LPAR1: variants seen among roughly 807,000 people sequenced by gnomAD.
LPAR1 encodes LPA receptor 1.
A neutral mutation model predicts 23.8 loss-of-function variants in LPAR1; 5 were observed. That is an observed-to-expected ratio of 0.21 (90% CI 0.11 to 0.44). The LOEUF is 0.44. LPAR1 is among the 20% of genes least tolerant of loss of function. The probability of loss-of-function intolerance (pLI) is 0.99; values close to 1 mark genes in which losing one functional copy is unlikely to be tolerated. For missense variants in LPAR1, 311 were observed against 482.8 expected, an observed-to-expected ratio of 0.64 and a Z score of 3.33; for synonymous variants, 160 against 164.7, an observed-to-expected ratio of 0.97 and a Z score of 0.22.
intron 5 of LPAR1, among the ~76,000 whole-genome samples, chr9:110,917,336 C>G (rs150882842): frequency 6.6e-6 from 1 of 151,884 alleles, no homozygotes; most frequent in Non-Finnish European, 1.5e-5. Context: ...ATGACAAGAG[C>G]GAAATTCCAT....
intron 2 of LPAR1, among the ~76,000 whole-genome samples, chr9:110,974,484 C>G (rs1395267214): frequency 6.6e-6 from 1 of 152,138 alleles, no homozygotes; most frequent in Admixed American, 6.5e-5. Context: ...TTGACAGCAA[C>G]TTCTATAAGC....
intron 5 of LPAR1, among the ~76,000 whole-genome samples, chr9:110,909,493 T>C (rs532529746): frequency 6.6e-6 from 1 of 152,320 alleles, no homozygotes; most frequent in Non-Finnish European, 1.5e-5. Flanking sequence ...TCCTAGCACC[T>C]TCCTGTACAG....
intron 4 of LPAR1, among the ~76,000 whole-genome samples, chr9:110,947,442 G>A (rs980662132): frequency 1.3e-5 from 2 of 152,164 alleles, no homozygotes; most frequent in Non-Finnish European, 2.9e-5. Context: ...GATAGGGTTC[G>A]AGGGAAGTGA....
chr9:110,962,008 A>G (rs775696078), intron 4 of LPAR1, among the ~76,000 whole-genome samples: 2 of 152,190 alleles, frequency 1.3e-5, no homozygotes, highest in African/African-American at 4.8e-5. Context: ...ACTGATGACT[A>G]TAATCCTCAC....
intron 4 of LPAR1, among the ~76,000 whole-genome samples, chr9:110,944,584 G>A (rs2095305836): frequency 1.3e-5 from 2 of 152,014 alleles, no homozygotes; most frequent in Non-Finnish European, 2.9e-5. Context: ...TGAACACCAA[G>A]TAGCAACAAA....
At chr9:110,940,624 C>T (rs1259211329) in intron 5 of LPAR1, among the ~76,000 whole-genome samples, 1 of 152,170 alleles carries the variant, frequency 6.6e-6, no homozygotes, top group Non-Finnish European at 1.5e-5. Context: ...TCACTCTACT[C>T]TCAGCTCCAA....
chr9:110,921,953 G>A (rs2093658705), intron 5 of LPAR1, among the ~76,000 whole-genome samples: 1 of 152,264 alleles, frequency 6.6e-6, no homozygotes, highest in African/African-American at 2.4e-5. Context: ...CCACATCAGA[G>A]CCTACGGGGC....
intron 5 of LPAR1, among the ~76,000 whole-genome samples, chr9:110,887,679 C>CT (rs2082784520): frequency 1.3e-5 from 2 of 152,288 alleles, no homozygotes; most frequent in African/African-American, 4.8e-5. Context: ...CATAAACATA[C>CT]TTTTTTCTAC....
intron 5 of LPAR1, among the ~76,000 whole-genome samples, chr9:110,909,786 C>A (rs1183039538): frequency 6.6e-6 from 1 of 151,000 alleles, no homozygotes. Context: ...GGCTCTGTTG[C>A]CCTGACTAGA....
intron 5 of LPAR1, among the ~76,000 whole-genome samples, chr9:110,880,477 G>C (rs113609236): frequency 2.6e-5 from 4 of 152,260 alleles, no homozygotes; most frequent in African/African-American, 9.6e-5. Flanking sequence ...TGGAATGCAA[G>C]AACCAAAGTT....
chr9:110,961,987 A>G (rs1220537830), intron 4 of LPAR1, among the ~76,000 whole-genome samples: 1 of 152,160 alleles, frequency 6.6e-6, no homozygotes, highest in Non-Finnish European at 1.5e-5. Flanking sequence ...AAGAGTAAAT[A>G]CCATGGTGTA....
chr9:110,916,988 A>C (rs1216039121), intron 5 of LPAR1, among the ~76,000 whole-genome samples: 1 of 150,496 alleles, frequency 6.6e-6, no homozygotes, highest in Non-Finnish European at 1.5e-5. Flanking sequence ...ATAACTTTGT[A>C]GTTGGAAGAT....
intron 4 of LPAR1, among the ~76,000 whole-genome samples, chr9:110,953,692 A>G (rs1364855811): frequency 4.0e-5 from 6 of 151,732 alleles, no homozygotes; most frequent in Non-Finnish European, 8.8e-5. Context: ...TACAGACACT[A>G]CTGATGCATT....
At chr9:110,963,190 C>A (rs1256292017) in intron 4 of LPAR1, among the ~76,000 whole-genome samples, 1 of 152,166 alleles carries the variant, frequency 6.6e-6, no homozygotes, top group Non-Finnish European at 1.5e-5. Context: ...ATGTGGTTTA[C>A]CCTAGGTACC....
intron 5 of LPAR1, among the ~76,000 whole-genome samples, chr9:110,876,018 T>C (rs1370432388): frequency 1.3e-5 from 2 of 152,178 alleles, no homozygotes; most frequent in Admixed American, 1.3e-4. Context: ...TATGAAAAAC[T>C]GCATTCAGGA....
At chr9:111,008,897 A>T (rs951347844) in intron 2 of LPAR1, among the ~76,000 whole-genome samples, 6 of 152,162 alleles carry the variant, frequency 3.9e-5, no homozygotes, top group Admixed American at 2.6e-4. Context: ...GCTCTCAAAG[A>T]ATTCCCAGAG....
intron 5 of LPAR1, among the ~76,000 whole-genome samples, chr9:110,892,005 A>T (rs1185730890): frequency 6.6e-6 from 1 of 152,238 alleles, no homozygotes; most frequent in Non-Finnish European, 1.5e-5. Flanking sequence ...TTAAACATTC[A>T]CATATCATAT....
At chr9:111,032,318 C>A (rs2097812981) in intron 2 of LPAR1, among the ~76,000 whole-genome samples, 1 of 152,148 alleles carries the variant, frequency 6.6e-6, no homozygotes, top group African/African-American at 2.4e-5. Context: ...CAGGAGCATT[C>A]CCTGACCTCC....
In LPAR1 at chr9:110,899,554, G is replaced by A. The variant is rs76618009; in HGVS notation, c.794-23832C>T. 8.5e-3 allele frequency among the ~76,000 whole-genome samples: 1,293 copies of A among 152,236 alleles called. 17 individuals are homozygous for A. Among genetic ancestry groups the A allele is most frequent in the African/African-American group, 0.029 (1,222 of 41,558 alleles). On this transcript the variant is annotated intron_variant, in intron 5 of 5. Coordinates refer to ENST00000683809, the MANE Select transcript of LPAR1 (RefSeq NM_001351411.2). Reference sequence around the variant, plus strand: ...CAGGGAGTAGCAAGGGAGGAGAAAGGAAATGATAGGGAGAGGAAGAAAGCA... The same window carrying A: ...CAGGGAGTAGCAAGGGAGGAGAAAGAAAATGATAGGGAGAGGAAGAAAGCA...
Sources: allele counts gnomAD v4.1 joint callset (sites outside exome capture counted in the v4.1 genomes callset), GRCh38; gene constraint gnomAD v4.1.1; transcripts MANE v1.5; gene names NCBI Gene and HGNC (gene_info 2026-07-23, HGNC 2026-07-21).